The following MACROD2 variants were observed in gnomAD, a reference collection of about 807,000 sequenced individuals.
MACROD2 encodes mono-ADP ribosylhydrolase 2, also known as ADP-ribose glycohydrolase MACROD2.
MACROD2 carries 36 observed loss-of-function variants against 70.4 expected under a neutral mutation model. That is an observed-to-expected ratio of 0.51 (90% CI 0.39 to 0.68). The LOEUF (loss-of-function observed/expected upper bound fraction) is 0.68. Among genes scored for constraint, MACROD2 ranks in the 30% least tolerant of loss-of-function variants. The pLI is 0.00. For missense variants in MACROD2, 496 were observed against 538.4 expected, an observed-to-expected ratio of 0.92 and a Z score of 0.78; for synonymous variants, 172 against 178.8, an observed-to-expected ratio of 0.96 and a Z score of 0.30.
intron 7 of MACROD2, among the ~76,000 whole-genome samples, chr20:15,448,262 C>T (rs1316757564): frequency 6.6e-6 from 1 of 152,092 alleles, no homozygotes; most frequent in African/African-American, 2.4e-5. Flanking sequence ...TTCAGTCTGT[C>T]CTAGCAGGCA....
At chr20:15,823,571 G>A (rs927575863) in intron 8 of MACROD2, among the ~76,000 whole-genome samples, 30 of 152,162 alleles carry the variant, frequency 2.0e-4, no homozygotes, top group Non-Finnish European at 4.1e-4. Context: ...AGGAAAAAAA[G>A]AGATTTACAT....
chr20:14,430,374 G>A (rs1182927762), intron 3 of MACROD2, among the ~76,000 whole-genome samples: 27 of 152,110 alleles, frequency 1.8e-4, no homozygotes, highest in Non-Finnish European at 1.5e-5. Flanking sequence ...TCTAGGAGAC[G>A]GTTCTGTCGT....
intron 3 of MACROD2, among the ~76,000 whole-genome samples, chr20:14,351,504 T>C (rs1291319300): frequency 6.6e-6 from 1 of 152,204 alleles, no homozygotes; most frequent in East Asian, 1.9e-4. Flanking sequence ...TTTGTGGCTA[T>C]TGTAAATGGG....
intron 8 of MACROD2, among the ~76,000 whole-genome samples, chr20:15,576,878 T>C (rs575061332): frequency 6.6e-6 from 1 of 152,316 alleles, no homozygotes; most frequent in South Asian, 2.1e-4. Flanking sequence ...AACAGTGAAG[T>C]AGGTGGTGCT....
intron 5 of MACROD2, among the ~76,000 whole-genome samples, chr20:15,071,606 G>A (rs1278944126): frequency 4.6e-5 from 7 of 152,034 alleles, no homozygotes; most frequent in African/African-American, 1.7e-4. Flanking sequence ...ATAAATTATT[G>A]CTGATTGTGT....
intron 5 of MACROD2, among the ~76,000 whole-genome samples, chr20:15,214,871 T>C (rs924436737): frequency 3.3e-5 from 5 of 152,224 alleles, no homozygotes; most frequent in African/African-American, 1.2e-4. Flanking sequence ...TCAGTAAGGA[T>C]GCTTTGGAAA....
chr20:14,634,504 C>T (rs1984678645), intron 4 of MACROD2, among the ~76,000 whole-genome samples: 1 of 152,112 alleles, frequency 6.6e-6, no homozygotes, highest in Non-Finnish European at 1.5e-5. Flanking sequence ...TCATGCCTAA[C>T]ATTTGGTCAC....
At chr20:14,434,405 C>CTTT in intron 3 of MACROD2, among the ~76,000 whole-genome samples, 1 of 152,216 alleles carries the variant, frequency 6.6e-6, no homozygotes, top group Admixed American at 6.5e-5. Flanking sequence ...TGATCCCTAC[C>CTTT]ACCACTACCA....
At chr20:14,366,402 T>C (rs866128557) in intron 3 of MACROD2, among the ~76,000 whole-genome samples, 1 of 146,282 alleles carries the variant, frequency 6.8e-6, no homozygotes, top group Non-Finnish European at 1.5e-5. Flanking sequence ...TGAGTCTCAC[T>C]CTGTCGCCAG....
At chr20:14,004,546 T>G (rs1278532245) in intron 2 of MACROD2, among the ~76,000 whole-genome samples, 3 of 152,210 alleles carry the variant, frequency 2.0e-5, no homozygotes, top group Non-Finnish European at 2.9e-5. Flanking sequence ...GTAATATTTG[T>G]AAATATTTAT....
chr20:15,072,473 G>A (rs560748756), intron 5 of MACROD2, among the ~76,000 whole-genome samples: 1 of 152,254 alleles, frequency 6.6e-6, no homozygotes, highest in Admixed American at 6.5e-5. Flanking sequence ...AAAACTCTTT[G>A]CAACAATTCT....
At chr20:15,934,688 T>TTTTTG (rs527362455) in intron 11 of MACROD2, among the ~76,000 whole-genome samples, 2,034 of 150,946 alleles carry the variant, frequency 0.013, 23 homozygotes, top group Non-Finnish European at 0.017. Flanking sequence ...TGTTTTTTGT[T>TTTTTG]TTTTGTTTTG....
intron 8 of MACROD2, among the ~76,000 whole-genome samples, chr20:15,625,903 CAAAAAA>C (rs11290779): frequency 4.0e-5 from 3 of 75,642 alleles, no homozygotes; most frequent in Non-Finnish European, 4.9e-5. Context: ...TCCTTGGCCA[CAAAAAA>C]AAAAAAAAAA....
At chr20:14,718,543 G>A (rs989609330) in intron 5 of MACROD2, among the ~76,000 whole-genome samples, 1 of 151,972 alleles carries the variant, frequency 6.6e-6, no homozygotes, top group Non-Finnish European at 1.5e-5. Flanking sequence ...ATCCCTTTGA[G>A]GCTGATAAAG....
At chr20:14,726,687 C>T (rs1013588922) in intron 5 of MACROD2, among the ~76,000 whole-genome samples, 4 of 152,126 alleles carry the variant, frequency 2.6e-5, no homozygotes, top group African/African-American at 7.2e-5. Context: ...TTTAACTACT[C>T]GGGCATCAAG....
At chr20:14,809,929 A>G (rs183580969) in intron 5 of MACROD2, among the ~76,000 whole-genome samples, 31 of 149,788 alleles carry the variant, frequency 2.1e-4, no homozygotes, top group Admixed American at 4.0e-4. Flanking sequence ...AAGTTCTGAA[A>G]TTGAGGCAAT....
intron 6 of MACROD2, among the ~76,000 whole-genome samples, chr20:15,342,740 A>C (rs555014219): frequency 6.6e-6 from 1 of 152,188 alleles, no homozygotes; most frequent in Non-Finnish European, 1.5e-5. Flanking sequence ...AGGAGAAAGC[A>C]AGAAAAGAGT....
rs76898460 is a variant in MACROD2 at position 15,667,499 on chromosome 20, GTATCTATC to G, written c.645+167672_645+167679del. Reference sequence around the variant, plus strand: ...TCTATGTATCTATGTATCTATCTATGTATCTATCTATCTATCTATCTATCTATGAAAGC... The same window carrying G: ...TCTATGTATCTATGTATCTATCTATGTATCTATCTATCTATCTATGAAAGC... On this transcript the variant is annotated intron_variant, in intron 8 of 17. Transcript: ENST00000684519. Among the ~76,000 whole-genome samples the G allele has an allele frequency of 1.4e-4, 21 of 150,366 alleles. No individual in the cohort carries two copies. In the East Asian group the frequency reaches 2.9e-3, roughly 21 times the overall value.
intron 5 of MACROD2, among the ~76,000 whole-genome samples, chr20:14,954,667 CATATA>C (rs1167879347): frequency 7.2e-4 from 77 of 107,518 alleles, no homozygotes; most frequent in African/African-American, 2.4e-3. Flanking sequence ...GGTAAATATA[CATATA>C]ATATATTTAT....
Sources: allele counts gnomAD v4.1 joint callset (sites outside exome capture counted in the v4.1 genomes callset), GRCh38; gene constraint gnomAD v4.1.1; transcripts MANE v1.5; gene names NCBI Gene and HGNC (gene_info 2026-07-23, HGNC 2026-07-21).